Variants in PAH observed in about 807,000 individuals in gnomAD.
The protein encoded by PAH is phenylalanine-4-hydroxylase.
A neutral mutation model predicts 62.0 loss-of-function variants in PAH; 64 were observed. The ratio of observed to expected loss-of-function variants is 1.03; its 90% CI spans 0.84 to 1.27. PAH has a LOEUF of 1.27. Among genes scored for constraint, PAH ranks in the 50% most tolerant of loss-of-function variants. PAH has a pLI of 0.00. For synonymous variants in PAH, 195 were observed against 196.2 expected (o/e 0.99, Z 0.05); for missense variants, 579 against 542.8 (o/e 1.07, Z -0.66).
intron 5 of PAH, among the ~76,000 whole-genome samples, chr12:102,866,291 G>A (rs113091962): frequency 6.6e-6 from 1 of 152,230 alleles, no homozygotes; most frequent in Non-Finnish European, 1.5e-5. Context: ...CAGGACCGAG[G>A]CCTTTTCTAA....
At chr12:102,899,631 G>A (rs1023272832) in intron 2 of PAH, among the ~76,000 whole-genome samples, 1 of 151,264 alleles carries the variant, frequency 6.6e-6, no homozygotes, top group Non-Finnish European at 1.5e-5. Flanking sequence ...AGGCCGAGGC[G>A]GGCGGATCAC....
upstream of PAH, chr12:102,953,570 G>C (rs1271508175): frequency 2.6e-5 from 4 of 152,180 alleles, no homozygotes; most frequent in African/African-American, 9.7e-5. Flanking sequence ...AGACCCCTTT[G>C]GCCACTAGGA....
At chr12:102,902,260 G>C (rs528140440) in intron 2 of PAH, among the ~76,000 whole-genome samples, 3 of 152,164 alleles carry the variant, frequency 2.0e-5, no homozygotes, top group Non-Finnish European at 4.4e-5. Context: ...AGCAGGAAGC[G>C]GGGGTGTGAA....
intron 5 of PAH, among the ~76,000 whole-genome samples, chr12:102,863,245 T>C (rs1875809215): frequency 6.6e-6 from 1 of 152,212 alleles, no homozygotes; most frequent in Non-Finnish European, 1.5e-5. Flanking sequence ...AATTGATCAT[T>C]ACCATTATGA....
At chr12:102,953,535 A>G (rs1214433814), upstream of PAH, 1 of 152,216 alleles carries the variant, frequency 6.6e-6, no homozygotes, top group Non-Finnish European at 1.5e-5. Flanking sequence ...GACTCAGGGC[A>G]CAGGGTCTCT....
At chr12:102,930,904 C>A (rs754881870) in intron 1 of PAH, among the ~76,000 whole-genome samples, 5 of 152,016 alleles carry the variant, frequency 3.3e-5, no homozygotes, top group Non-Finnish European at 5.9e-5. Context: ...GTGTGTGAAG[C>A]AATATGTCTT....
At chr12:102,895,869 A>ATATATATATATAT (rs1555208129) in intron 2 of PAH, among the ~76,000 whole-genome samples, 3 of 118,744 alleles carry the variant, frequency 2.5e-5, no homozygotes, top group African/African-American at 1.1e-4. Context: ...AAAAAAAAAA[A>ATATATATATATAT]ATATATATAT....
At position 102,840,413 on chromosome 12, in the gene PAH, A is replaced by G. The variant is rs1874536169; in HGVS notation, c.1302T>C (p.Ala434=). ...LDNTQQLKIL[A]DSINSEIGIL... ...TAAATTACTTACTGTTAATGGAATC[A>G]GCCAAAATCTTAAGCTGCTGGGTAT... Residue 434 remains alanine, a synonymous_variant, in exon 12 of 13, where the codon GCT becomes GCC. Transcript: ENST00000553106. 1 of 1,612,516 alleles carries G rather than the reference A, an allele frequency of 6.2e-7. No individual in the cohort carries two copies. Among genetic ancestry groups the G allele is most frequent in the Non-Finnish European group, 8.5e-7 (1 of 1,178,546 alleles).
chr12:102,849,329 G>GT (rs951999708), intron 8 of PAH, among the ~76,000 whole-genome samples: 1 of 152,186 alleles, frequency 6.6e-6, no homozygotes, highest in African/African-American at 2.4e-5. Context: ...CCAGAACTCA[G>GT]TTTTGGATAG....
At chr12:102,904,657 C>A (rs909164412) in intron 2 of PAH, 2 of 401,680 alleles carry the variant, frequency 5.0e-6, no homozygotes, top group Non-Finnish European at 1.0e-5. Context: ...TAGATTATTT[C>A]ATTTGTTTTG....
At chr12:102,871,926 A>T (rs1876336356) in intron 4 of PAH, among the ~76,000 whole-genome samples, 1 of 114,042 alleles carries the variant, frequency 8.8e-6, no homozygotes, top group Non-Finnish European at 1.7e-5. Flanking sequence ...CTGCCTCAAA[A>T]AAAAAAAAAA....
intron 6 of PAH, among the ~76,000 whole-genome samples, chr12:102,854,428 G>C (rs190904439): frequency 6.6e-6 from 1 of 152,182 alleles, no homozygotes; most frequent in East Asian, 1.9e-4. Context: ...TTGACAGAAA[G>C]AGTAACACCC....
chr12:102,899,858 C>CAAAAAAAAAAAAAAAAAAAAAAA (rs1166069532), intron 2 of PAH, among the ~76,000 whole-genome samples: 1 of 9,538 alleles, frequency 1.0e-4, no homozygotes, highest in African/African-American at 3.3e-4. Context: ...GACTCCGTCT[C>CAAAAAAAAAAAAAAAAAAAAAAA]AAAAAAAAAA....
At chr12:102,843,180 C>T (rs1874664567) in intron 11 of PAH, among the ~76,000 whole-genome samples, 1 of 152,020 alleles carries the variant, frequency 6.6e-6, no homozygotes, top group Admixed American at 6.6e-5. Flanking sequence ...TAATATATTA[C>T]AAGTTAATAA....
intron 11 of PAH, among the ~76,000 whole-genome samples, chr12:102,841,657 C>G (rs1874601346): frequency 6.6e-6 from 1 of 152,088 alleles, no homozygotes; most frequent in South Asian, 2.1e-4. Flanking sequence ...ATTTCCACCC[C>G]TTCTTCTCTG....
intron 1 of PAH, among the ~76,000 whole-genome samples, chr12:102,949,106 C>G (rs557793255): frequency 2.6e-5 from 4 of 152,108 alleles, no homozygotes; most frequent in Non-Finnish European, 5.9e-5. Flanking sequence ...CAAAACTGCC[C>G]AGGAGTAGAG....
At chr12:102,951,445 A>G (rs113798328), upstream of PAH, among the ~76,000 whole-genome samples, 8 of 152,200 alleles carry the variant, frequency 5.3e-5, no homozygotes, top group African/African-American at 1.7e-4. Flanking sequence ...GTGAATCTAC[A>G]TAGCACCCTA....
upstream of PAH, among the ~76,000 whole-genome samples, chr12:102,919,984 T>C (rs143199017): frequency 1.8e-3 from 277 of 152,294 alleles, 3 homozygotes; most frequent in East Asian, 0.024. Context: ...CACTAGATCA[T>C]ATAGTAGCTC....
chr12:102,913,941 G>A lies in PAH; in HGVS notation c.61-1043C>T. On this transcript the variant is annotated intron_variant, in intron 1 of 12. Transcript: ENST00000553106. ...AGCAGCAGGTACCTAAAACTGGGAA[G>A]AAAAAAATTTGCAGAACAATTACTC... is the stretch of plus-strand genomic sequence containing the variant. The A allele has an allele frequency of 6.0e-6, 4 of 671,050 alleles. No homozygotes were observed. In the Admixed American group the frequency reaches 6.9e-5, roughly 12 times the overall value. The allele number at this position is 671,050 out of a possible 1,614,324, so 41.6% of individuals were successfully genotyped here.
Sources: allele counts gnomAD v4.1 joint callset (sites outside exome capture counted in the v4.1 genomes callset), GRCh38; gene constraint gnomAD v4.1.1; transcripts MANE v1.5; gene names NCBI Gene and HGNC (gene_info 2026-07-23, HGNC 2026-07-21).